The following CNST variants were observed in gnomAD, a reference collection of about 807,000 sequenced individuals.
CNST encodes consortin, connexin sorting protein.
Under a neutral mutation model 72.4 loss-of-function variants are expected in CNST, and 39 were observed. That is an observed-to-expected ratio of 0.54 (90% confidence interval 0.42 to 0.70). The LOEUF (loss-of-function observed/expected upper bound fraction) is 0.70. Ranked by LOEUF, CNST falls within the 30% of genes least tolerant of loss-of-function variation. CNST has a pLI of 0.00. For synonymous variants in CNST, 332 were observed against 320.1 expected, an observed-to-expected ratio of 1.04 and a Z score of -0.40; for missense variants, 871 against 868.5, an observed-to-expected ratio of 1.00 and a Z score of -0.04.
chr1:246,570,625 A>T (rs1439723271), intron 1 of CNST, among the ~76,000 whole-genome samples: 1 of 152,172 alleles, frequency 6.6e-6, no homozygotes, highest in African/African-American at 2.4e-5. Context: ...AGAATTGGGG[A>T]AGGGGTATAG....
intron 2 of CNST, among the ~76,000 whole-genome samples, chr1:246,617,843 C>T (rs976401303): frequency 2.0e-5 from 3 of 152,170 alleles, no homozygotes; most frequent in Non-Finnish European, 4.4e-5. Context: ...AAGTAAAGTA[C>T]ATCCTTGGTC....
intron 1 of CNST, among the ~76,000 whole-genome samples, chr1:246,578,606 G>T (rs1660592051): frequency 6.6e-6 from 1 of 152,074 alleles, no homozygotes; most frequent in Non-Finnish European, 1.5e-5. Context: ...GGGAGGCGGA[G>T]GTTGCAGTGA....
intron 2 of CNST, among the ~76,000 whole-genome samples, chr1:246,593,920 G>A (rs1461579989): frequency 6.6e-6 from 1 of 152,066 alleles, no homozygotes; most frequent in African/African-American, 2.4e-5. Context: ...GTGCTACCAT[G>A]CCTGACTAAT....
intron 2 of CNST, among the ~76,000 whole-genome samples, chr1:246,612,865 A>G (rs1214176347): frequency 6.6e-6 from 1 of 152,164 alleles, no homozygotes; most frequent in East Asian, 1.9e-4. Context: ...AGCCTGGGTG[A>G]CAGAGTGAGA....
At chr1:246,642,285 A>C (rs929044830) in intron 8 of CNST, among the ~76,000 whole-genome samples, 2 of 152,062 alleles carry the variant, frequency 1.3e-5, no homozygotes, top group Non-Finnish European at 2.9e-5. Context: ...AAAACATAAA[A>C]TTCTTATGTT....
intron 1 of CNST, among the ~76,000 whole-genome samples, chr1:246,584,016 T>C (rs1660976757): frequency 1.0e-5 from 1 of 96,960 alleles, no homozygotes. Context: ...CATAGCTCAC[T>C]GCTGCCTTGA....
intron 3 of CNST, among the ~76,000 whole-genome samples, chr1:246,628,220 G>C (rs1308381221): frequency 2.6e-5 from 4 of 152,036 alleles, no homozygotes; most frequent in African/African-American, 9.7e-5. Context: ...CTCAAATGTT[G>C]ATCTCTTTTG....
At chr1:246,597,851 A>G (rs1258338455) in intron 2 of CNST, among the ~76,000 whole-genome samples, 1 of 152,202 alleles carries the variant, frequency 6.6e-6, no homozygotes, top group Admixed American at 6.5e-5. Flanking sequence ...GGCTGATCCT[A>G]CATGTCTTGC....
chr1:246,590,397 G>C (rs911212774), intron 1 of CNST, among the ~76,000 whole-genome samples: 1 of 152,030 alleles, frequency 6.6e-6, no homozygotes, highest in South Asian at 2.1e-4. Flanking sequence ...TGCCAGGGTC[G>C]TCTGGCTATT....
intron 1 of CNST, among the ~76,000 whole-genome samples, chr1:246,570,240 A>C (rs1408972376): frequency 6.6e-6 from 1 of 152,210 alleles, no homozygotes; most frequent in Non-Finnish European, 1.5e-5. Context: ...TTGTTTTTGC[A>C]ACAAGGGTGG....
chr1:246,635,957 A>G (rs3129540), intron 6 of CNST, among the ~76,000 whole-genome samples: 44,423 of 150,450 alleles, frequency 0.3, 7,246 homozygotes, highest in East Asian at 0.67. Context: ...TGAATTGTGC[A>G]TAGGAAGCTA....
intron 2 of CNST, among the ~76,000 whole-genome samples, chr1:246,615,138 T>C (rs1027921083): frequency 6.6e-6 from 1 of 152,180 alleles, no homozygotes; most frequent in African/African-American, 2.4e-5. Context: ...TCAATCAAGG[T>C]AATTTCCCCA....
chr1:246,606,945 C>T (rs1662885934), intron 2 of CNST: 1 of 139,260 alleles, frequency 7.2e-6, no homozygotes, highest in Non-Finnish European at 1.6e-5. Context: ...TCGCATAGTG[C>T]ACTTAGGCAG....
intron 6 of CNST, among the ~76,000 whole-genome samples, chr1:246,639,222 G>A (rs1427726054): frequency 1.3e-5 from 2 of 152,112 alleles, no homozygotes; most frequent in Admixed American, 6.5e-5. Flanking sequence ...TGAGGTCTGG[G>A]AGAGTGAGAA....
At chr1:246,607,341 G>T (rs1662931443) in intron 2 of CNST, 1 of 152,062 alleles carries the variant, frequency 6.6e-6, no homozygotes, top group Admixed American at 6.5e-5. Context: ...CACATTCGTG[G>T]TAAGCGCGAT....
At chr1:246,640,145 A>C (rs1665591569) in intron 6 of CNST, among the ~76,000 whole-genome samples, 1 of 152,212 alleles carries the variant, frequency 6.6e-6, no homozygotes, top group African/African-American at 2.4e-5. Flanking sequence ...CTCACACTGA[A>C]CTCAGTAAAA....
Position 246,641,772 on chromosome 1 carries a change from T to G in CNST, c.840+2T>G. On this transcript the variant is annotated splice_donor_variant, in intron 7 of 10. Coordinates refer to ENST00000366513, the MANE Select transcript of CNST (RefSeq NM_152609.3). LOFTEE classifies it high-confidence loss of function. ...AGTCCTCTTTTATCCAAACATAAGG[T>G]AAGAGATTGTTTCTTTTGAATATAT... 1 of 1,348,472 alleles carries G rather than the reference T, an allele frequency of 7.4e-7. No homozygotes were observed. Among genetic ancestry groups the G allele is most frequent in the Admixed American group, 1.8e-5 (1 of 54,150 alleles). 83.5% of individuals were successfully genotyped at this position (1,348,472 alleles called of 1,614,324 possible).
At chr1:246,591,968 CTTCT>C (rs770722005) in intron 2 of CNST, 27 bp downstream of exon 2, 5 of 1,539,554 alleles carry the variant, frequency 3.2e-6, no homozygotes, top group Non-Finnish European at 4.4e-6. Context: ...TATTTATCCT[CTTCT>C]TTAATTAATT....
At chr1:246,608,286 T>G (rs970729970) in intron 2 of CNST, among the ~76,000 whole-genome samples, 2 of 152,186 alleles carry the variant, frequency 1.3e-5, no homozygotes, top group East Asian at 1.9e-4. Flanking sequence ...AGTTCGAGTT[T>G]GTATGATCCT....
Sources: allele counts gnomAD v4.1 joint callset (sites outside exome capture counted in the v4.1 genomes callset), GRCh38; gene constraint gnomAD v4.1.1; transcripts MANE v1.5; gene names NCBI Gene and HGNC (gene_info 2026-07-23, HGNC 2026-07-21).